C12orf75: variants seen among roughly 807,000 people sequenced by gnomAD.
The protein encoded by C12orf75 is chromosome 12 open reading frame 75, also known as overexpressed in colon carcinoma 1 protein.
A neutral mutation model predicts 11.4 loss-of-function variants in C12orf75; 4 were observed. That is an observed-to-expected ratio of 0.35 (90% CI 0.17 to 0.80). The LOEUF is 0.80. C12orf75 is among the 30% of genes least tolerant of loss of function. C12orf75 has a pLI of 0.52. For synonymous variants in C12orf75, 30 were observed against 30.0 expected (o/e 1.00, Z 0.00); for missense variants, 89 against 80.4 (o/e 1.11, Z -0.41).
At position 105,371,220 on chromosome 12, in the gene C12orf75, C is replaced by G. The variant is rs1339463499; in HGVS notation, c.*620C>G. Reference sequence around the variant, plus strand: ...TTTAGGAACAATGTGTATTTCATTGCACTATTTAAAAATAAACTCAAATTT... The same window carrying G: ...TTTAGGAACAATGTGTATTTCATTGGACTATTTAAAAATAAACTCAAATTT... On this transcript the variant is annotated 3_prime_UTR_variant, in exon 6 of 6. Coordinates refer to ENST00000443585, the MANE Select transcript of C12orf75 (RefSeq NM_001145199.2). The G allele has an allele frequency of 6.5e-6, 1 of 152,912 alleles. No individual in the cohort carries two copies. The highest frequency in any genetic ancestry group is 1.9e-4 in the East Asian group (1 of 5,214). The allele number at this position is 152,912 out of a possible 1,614,324, so 9.5% of individuals were successfully genotyped here.
intron 5 of C12orf75, among the ~76,000 whole-genome samples, chr12:105,369,412 C>G (rs762710003): frequency 2.6e-5 from 4 of 151,890 alleles, no homozygotes; most frequent in Non-Finnish European, 4.4e-5. Flanking sequence ...TCTTTTTTTT[C>G]TATTACCCTT....
chr12:105,349,847 A>G (rs975438666), intron 2 of C12orf75, among the ~76,000 whole-genome samples: 3 of 152,204 alleles, frequency 2.0e-5, no homozygotes, highest in African/African-American at 7.2e-5. Context: ...ACTGCACTCC[A>G]GCCTGGGTGA....
At chr12:105,354,394 G>A (rs541043703) in intron 2 of C12orf75, among the ~76,000 whole-genome samples, 43 of 152,188 alleles carry the variant, frequency 2.8e-4, no homozygotes, top group African/African-American at 3.6e-4. Context: ...TTTTCTGTAC[G>A]TTATCTCCTT....
chr12:105,335,076 G>C (rs1378102464), intron 1 of C12orf75, among the ~76,000 whole-genome samples: 1 of 152,166 alleles, frequency 6.6e-6, no homozygotes, highest in African/African-American at 2.4e-5. Flanking sequence ...TATGTAATTG[G>C]TAACTGATCT....
chr12:105,356,889 T>A (rs578054532), intron 2 of C12orf75, among the ~76,000 whole-genome samples: 1 of 152,348 alleles, frequency 6.6e-6, no homozygotes, highest in South Asian at 2.1e-4. Flanking sequence ...ATTGGTAAGA[T>A]AAATCATAGT....
At chr12:105,345,766 A>T (rs374908588) in intron 1 of C12orf75, among the ~76,000 whole-genome samples, 1 of 143,454 alleles carries the variant, frequency 7.0e-6, no homozygotes, top group Non-Finnish European at 1.5e-5. Flanking sequence ...GGTTCAAGCA[A>T]TTCTGCCTCA....
intron 3 of C12orf75, 182 bp downstream of exon 3, chr12:105,366,024 T>TTCC (rs1414106772): frequency 1.6e-6 from 1 of 623,102 alleles, no homozygotes; most frequent in Non-Finnish European, 2.9e-6. Context: ...TCTTTGCTCC[T>TTCC]TCCAAGCAAA....
intron 1 of C12orf75, among the ~76,000 whole-genome samples, chr12:105,344,709 G>A (rs1010974562): frequency 3.4e-5 from 5 of 148,016 alleles, no homozygotes; most frequent in Non-Finnish European, 5.9e-5. Context: ...TTGTGCTGCC[G>A]CACTCCAGCC....
At position 105,348,585 on chromosome 12, in the gene C12orf75, C is replaced by T; in HGVS notation, c.47-17C>T. The stretch of plus-strand genomic sequence containing the variant: ...TACTATCACACCAATACAAACCTAT[C>T]TTCTTTTTTTCTCTAGGCCCTGCAG... On this transcript the variant is annotated splice_polypyrimidine_tract_variant and intron_variant, in intron 1 of 5. Transcript: ENST00000443585. The T allele has an allele frequency of 6.6e-7, 1 of 1,524,190 alleles. No individual in the cohort carries two copies. The highest frequency in any genetic ancestry group is 8.9e-7 in the Non-Finnish European group (1 of 1,128,252). The allele number at this position is 1,524,190 out of a possible 1,614,324, so 94.4% of individuals were successfully genotyped here. A position where few individuals can be genotyped will look rare whatever the true frequency, so the allele number is the denominator to read the frequency against.
At chr12:105,341,125 G>GA (rs1461623132) in intron 1 of C12orf75, among the ~76,000 whole-genome samples, 1 of 152,176 alleles carries the variant, frequency 6.6e-6, no homozygotes, top group Non-Finnish European at 1.5e-5. Context: ...GACAAAATCA[G>GA]AATATAAGAA....
intron 2 of C12orf75, among the ~76,000 whole-genome samples, chr12:105,354,187 A>T (rs1379488785): frequency 1.3e-5 from 2 of 152,332 alleles, no homozygotes; most frequent in South Asian, 4.1e-4. Flanking sequence ...AAAAGCCTGC[A>T]TTTTGGAAGC....
chr12:105,348,696 C>A, intron 2 of C12orf75, 70 bp downstream of exon 2: 1 of 1,010,856 alleles, frequency 9.9e-7, no homozygotes, highest in Non-Finnish European at 1.5e-6. Context: ...ATGATTATGA[C>A]CTTTAGATCT....
chr12:105,369,259 T>A (rs183224157), intron 5 of C12orf75, among the ~76,000 whole-genome samples: 2 of 143,182 alleles, frequency 1.4e-5, no homozygotes, highest in East Asian at 3.9e-4. Flanking sequence ...AGTTTGCCAC[T>A]AACACTTTAG....
chr12:105,341,042 C>T (rs1892567244), intron 1 of C12orf75, among the ~76,000 whole-genome samples: 1 of 152,134 alleles, frequency 6.6e-6, no homozygotes, highest in Non-Finnish European at 1.5e-5. Flanking sequence ...TTTAAACCAC[C>T]CAGTTTGTGG....
chr12:105,337,192 C>T (rs901749308), intron 1 of C12orf75, among the ~76,000 whole-genome samples: 3 of 152,176 alleles, frequency 2.0e-5, no homozygotes, highest in African/African-American at 4.8e-5. Flanking sequence ...GGCGTGGTGG[C>T]GCACACCTGT....
chr12:105,335,049 A>AT (rs1467526872), intron 1 of C12orf75, among the ~76,000 whole-genome samples: 1 of 152,178 alleles, frequency 6.6e-6, no homozygotes, highest in East Asian at 1.9e-4. Flanking sequence ...GGTTAGTTGA[A>AT]TTTTTTCTGC....
chr12:105,338,142 G>T (rs1219965236), intron 1 of C12orf75, among the ~76,000 whole-genome samples: 1 of 152,090 alleles, frequency 6.6e-6, no homozygotes, highest in Non-Finnish European at 1.5e-5. Flanking sequence ...ACTTATGCCT[G>T]TACTTCTTAT....
At chr12:105,331,078 T>G (rs1892416124) in intron 1 of C12orf75, 141 bp downstream of exon 1, 2 of 512,876 alleles carry the variant, frequency 3.9e-6, no homozygotes, top group South Asian at 9.7e-5. Flanking sequence ...CGCCCGTTTC[T>G]GGAAAGACCG....
At chr12:105,367,607 G>T in intron 5 of C12orf75, 98 bp downstream of exon 5, 1 of 343,362 alleles carries the variant, frequency 2.9e-6, no homozygotes, top group South Asian at 7.8e-5. Context: ...AAGAAATCTT[G>T]AACTTTACAA....
Sources: allele counts gnomAD v4.1 joint callset (sites outside exome capture counted in the v4.1 genomes callset), GRCh38; gene constraint gnomAD v4.1.1; transcripts MANE v1.5; gene names NCBI Gene and HGNC (gene_info 2026-07-23, HGNC 2026-07-21).